C1QTNF7: variants seen among roughly 807,000 people sequenced by gnomAD.
C1QTNF7 encodes the protein complement C1q tumor necrosis factor-related protein 7.
In C1QTNF7, 15 loss-of-function variants were observed where a neutral mutation model predicts 19.6. The ratio of observed to expected loss-of-function variants is 0.76; its 90% confidence interval spans 0.51 to 1.18. The LOEUF is 1.18. Ranked by LOEUF, C1QTNF7 falls within the 50% of genes most tolerant of loss-of-function variation. The probability of loss-of-function intolerance (pLI) is 0.00; values close to 1 mark genes in which losing one functional copy is unlikely to be tolerated. For synonymous variants in C1QTNF7, 142 were observed against 137.5 expected, an observed-to-expected ratio of 1.03 and a Z score of -0.23; for missense variants, 324 against 359.7, an observed-to-expected ratio of 0.90 and a Z score of 0.80.
At position 15,440,627 on chromosome 4, in the gene C1QTNF7, T is replaced by G. The variant is rs190644997; in HGVS notation, c.239-1541T>G. 1.9e-3 allele frequency among the ~76,000 whole-genome samples: 285 copies of G among 152,144 alleles called. 4 individuals carry two copies. The highest frequency in any genetic ancestry group is 6.5e-3 in the African/African-American group (271 of 41,532). On this transcript the variant is annotated intron_variant, in intron 2 of 2. Transcript: ENST00000444304. ...TTCACCGTGTTAACCAGGATGGTCT[T>G]GATCTGCGGACCTCGTTATCTGCCC...
chr4:15,417,325 C>G (rs191472356), intron 1 of C1QTNF7, among the ~76,000 whole-genome samples: 34 of 152,358 alleles, frequency 2.2e-4, no homozygotes, highest in Admixed American at 2.2e-3. Flanking sequence ...CCCCATTTCT[C>G]ACTCCCCTGA....
intron 1 of C1QTNF7, among the ~76,000 whole-genome samples, chr4:15,429,206 C>T (rs1397815936): frequency 6.6e-6 from 1 of 152,124 alleles, no homozygotes; most frequent in East Asian, 1.9e-4. Flanking sequence ...CATTTTTATT[C>T]AGTTTTTTTA....
chr4:15,364,839 G>A (rs1717454914), intron 1 of C1QTNF7, among the ~76,000 whole-genome samples: 1 of 152,138 alleles, frequency 6.6e-6, no homozygotes, highest in Admixed American at 6.6e-5. Context: ...CATTGTCACA[G>A]CTGTGTTATA....
chr4:15,369,087 AC>A (rs2109304853), intron 1 of C1QTNF7, among the ~76,000 whole-genome samples: 1 of 152,380 alleles, frequency 6.6e-6, no homozygotes, highest in Admixed American at 6.5e-5. Flanking sequence ...GGGACAAAGA[AC>A]ATGTCATAGT....
chr4:15,389,958 G>T (rs1297766883), intron 1 of C1QTNF7, among the ~76,000 whole-genome samples: 2 of 152,172 alleles, frequency 1.3e-5, no homozygotes, highest in Admixed American at 6.5e-5. Flanking sequence ...TTATTAGTCT[G>T]TGATGTGAGA....
chr4:15,377,324 C>A (rs10155409), intron 1 of C1QTNF7, among the ~76,000 whole-genome samples: 5,671 of 152,214 alleles, frequency 0.037, 361 homozygotes, highest in African/African-American at 0.13. Flanking sequence ...TACCCCCGTG[C>A]TTTCTTCAAC....
At chr4:15,364,809 A>T (rs1047709413) in intron 1 of C1QTNF7, among the ~76,000 whole-genome samples, 1 of 152,198 alleles carries the variant, frequency 6.6e-6, no homozygotes, top group Non-Finnish European at 1.5e-5. Flanking sequence ...GACAATTCAA[A>T]GTACCCAGAA....
chr4:15,397,508 A>C (rs1400510107), intron 1 of C1QTNF7, among the ~76,000 whole-genome samples: 1 of 152,226 alleles, frequency 6.6e-6, no homozygotes, highest in Admixed American at 6.5e-5. Context: ...AATCTGAGGC[A>C]GGAGTGTGCC....
chr4:15,410,544 C>A (rs1372607575), intron 1 of C1QTNF7, among the ~76,000 whole-genome samples: 1 of 152,176 alleles, frequency 6.6e-6, no homozygotes, highest in Non-Finnish European at 1.5e-5. Flanking sequence ...ATATATTTAA[C>A]AACTCTACTA....
chr4:15,378,726 G>A (rs1315627303), intron 1 of C1QTNF7, among the ~76,000 whole-genome samples: 2 of 152,108 alleles, frequency 1.3e-5, no homozygotes, highest in African/African-American at 2.4e-5. Flanking sequence ...TGGAGTCAAC[G>A]TCCAAAGCTG....
At chr4:15,352,566 G>A (rs570162648) in intron 1 of C1QTNF7, among the ~76,000 whole-genome samples, 2 of 152,238 alleles carry the variant, frequency 1.3e-5, no homozygotes, top group South Asian at 4.1e-4. Context: ...GTATCAGAGG[G>A]GGCAGCTAAA....
intron 1 of C1QTNF7, among the ~76,000 whole-genome samples, chr4:15,405,073 C>A (rs1172646006): frequency 6.6e-6 from 1 of 152,182 alleles, no homozygotes; most frequent in Non-Finnish European, 1.5e-5. Flanking sequence ...AAAATACACA[C>A]AACCATGGCT....
At chr4:15,431,447 A>G (rs1313250043) in intron 1 of C1QTNF7, among the ~76,000 whole-genome samples, 2 of 152,046 alleles carry the variant, frequency 1.3e-5, no homozygotes, top group African/African-American at 2.4e-5. Context: ...ATCGTTGCAT[A>G]CTCTTTTTTC....
chr4:15,408,585 T>G (rs1016848605), intron 1 of C1QTNF7, among the ~76,000 whole-genome samples: 2 of 152,136 alleles, frequency 1.3e-5, no homozygotes, highest in Non-Finnish European at 2.9e-5. Context: ...TTTGGTGGAA[T>G]GATGACGGTG....
At chr4:15,403,086 C>A (rs1719055094) in intron 1 of C1QTNF7, among the ~76,000 whole-genome samples, 1 of 151,796 alleles carries the variant, frequency 6.6e-6, no homozygotes, top group South Asian at 2.1e-4. Flanking sequence ...CTCTACAGAT[C>A]ATGTCAGCTA....
intron 1 of C1QTNF7, among the ~76,000 whole-genome samples, chr4:15,416,286 G>A (rs776011705): frequency 4.7e-4 from 72 of 152,228 alleles, no homozygotes; most frequent in Admixed American, 9.8e-4. Context: ...TATATATCCA[G>A]CACTTTCTAC....
chr4:15,385,428 C>G (rs983289190), intron 1 of C1QTNF7, among the ~76,000 whole-genome samples: 2 of 152,192 alleles, frequency 1.3e-5, no homozygotes, highest in African/African-American at 4.8e-5. Flanking sequence ...TCTGGGAGAA[C>G]AGCATTCTCA....
chr4:15,346,496 A>T (rs1451767558), intron 1 of C1QTNF7, among the ~76,000 whole-genome samples: 3 of 152,196 alleles, frequency 2.0e-5, no homozygotes, highest in Admixed American at 1.3e-4. Flanking sequence ...AGCTGTCATG[A>T]AAACATTCCT....
chr4:15,356,377 G>T (rs769535103), intron 1 of C1QTNF7, among the ~76,000 whole-genome samples: 2 of 147,816 alleles, frequency 1.4e-5, no homozygotes, highest in South Asian at 4.2e-4. Context: ...GTGTTAGTTT[G>T]CTGAGAATGA....
Sources: allele counts gnomAD v4.1 joint callset (sites outside exome capture counted in the v4.1 genomes callset), GRCh38; gene constraint gnomAD v4.1.1; transcripts MANE v1.5; gene names NCBI Gene and HGNC (gene_info 2026-07-23, HGNC 2026-07-21).